The following ARFIP1 variants were observed in gnomAD, a reference collection of about 807,000 sequenced individuals.
ARFIP1 encodes ARF interacting protein 1, also known as arfaptin-1.
In ARFIP1, 24 loss-of-function variants were observed where a neutral mutation model predicts 42.5. The observed-to-expected ratio is 0.57, with a 90% CI of 0.41 to 0.80. The LOEUF (loss-of-function observed/expected upper bound fraction) is 0.80. Ranked by LOEUF, ARFIP1 falls within the 30% of genes least tolerant of loss-of-function variation. ARFIP1 has a pLI of 0.00. For missense variants in ARFIP1, 354 were observed against 434.0 expected, an observed-to-expected ratio of 0.82 and a Z score of 1.64; for synonymous variants, 141 against 153.7, an observed-to-expected ratio of 0.92 and a Z score of 0.61.
chr4:152,811,652 C>A (rs1169126581), intron 1 of ARFIP1, among the ~76,000 whole-genome samples: 1 of 152,138 alleles, frequency 6.6e-6, no homozygotes, highest in African/African-American at 2.4e-5. Flanking sequence ...TGTGAAGGAC[C>A]TTAAATAGCC....
In ARFIP1 at chr4:152,779,978, C is replaced by T. The variant is rs4619875; in HGVS notation, c.-258C>T. On this transcript the variant is annotated 5_prime_UTR_variant, in exon 1 of 9. Coordinates refer to ENST00000353617, the MANE Select transcript of ARFIP1 (RefSeq NM_001025595.3). ...TCTCCTCACTTCCGGCTTCGCTGCTCTTGGTTCTGGTTCTGGAGGCTGGGT... is the reference window on the plus strand; with the variant it reads ...TCTCCTCACTTCCGGCTTCGCTGCTTTTGGTTCTGGTTCTGGAGGCTGGGT... 55,605 of 152,430 alleles carry T rather than the reference C, an allele frequency of 0.36. 11,037 individuals carry two copies. Among genetic ancestry groups the T allele is most frequent in the Admixed American group, 0.48 (7,287 of 15,278 alleles). 9.4% of individuals were successfully genotyped at this position (152,430 alleles called of 1,614,324 possible). A position where few individuals can be genotyped will look rare whatever the true frequency, so the allele number is the denominator to read the frequency against.
chr4:152,855,052 C>G (rs548758945), intron 2 of ARFIP1, among the ~76,000 whole-genome samples: 7 of 152,284 alleles, frequency 4.6e-5, no homozygotes, highest in African/African-American at 1.4e-4. Context: ...AGCAGACGAC[C>G]CTTTGGGTCC....
chr4:152,875,378 T>TAAAAAAAAAAAAAAAAAAAA (rs11302481), intron 5 of ARFIP1, among the ~76,000 whole-genome samples: 1 of 100,162 alleles, frequency 1.0e-5, no homozygotes, highest in Non-Finnish European at 2.2e-5. Flanking sequence ...TCTTTTTTTA[T>TAAAAAAAAAAAAAAAAAAAA]AAAAAAAAAA....
chr4:152,822,963 A>G (rs1475724529), intron 1 of ARFIP1, among the ~76,000 whole-genome samples: 6 of 152,242 alleles, frequency 3.9e-5, no homozygotes, highest in African/African-American at 1.4e-4. Context: ...AATATTATAA[A>G]TTGGCAACCT....
At chr4:152,824,559 G>T (rs1280995870) in intron 1 of ARFIP1, among the ~76,000 whole-genome samples, 2 of 152,142 alleles carry the variant, frequency 1.3e-5, no homozygotes, top group Non-Finnish European at 2.9e-5. Context: ...AAAGCCATAT[G>T]TGACACACTC....
In ARFIP1 at chr4:152,910,469, G is replaced by T. The variant is rs1025226336; in HGVS notation, c.*250G>T. ...TGAGAAATCCTTTTGTATTGTGAGG[G>T]TTGATGGCTATTTCTGTAGTTTGAA... On this transcript the variant is annotated 3_prime_UTR_variant, in exon 9 of 9. Coordinates refer to ENST00000353617, the MANE Select transcript of ARFIP1 (RefSeq NM_001025595.3). 2 of 315,378 alleles carry T rather than the reference G, an allele frequency of 6.3e-6. No individual in the cohort carries two copies. Among genetic ancestry groups the T allele is most frequent in the African/African-American group, 4.3e-5 (2 of 46,378 alleles). The allele number at this position is 315,378 out of a possible 1,614,324, so 19.5% of individuals were successfully genotyped here.
At chr4:152,843,954 T>C (rs1002301278) in intron 2 of ARFIP1, among the ~76,000 whole-genome samples, 2 of 152,154 alleles carry the variant, frequency 1.3e-5, no homozygotes, top group African/African-American at 4.8e-5. Flanking sequence ...ACCGTTCAAA[T>C]TGTTACAAAG....
intron 1 of ARFIP1, among the ~76,000 whole-genome samples, chr4:152,784,470 C>T (rs1300940737): frequency 6.6e-6 from 1 of 152,184 alleles, no homozygotes; most frequent in African/African-American, 2.4e-5. Flanking sequence ...AGGTGTTGCT[C>T]AAACCTTTAG....
At chr4:152,851,537 A>AC (rs1732981233) in intron 2 of ARFIP1, among the ~76,000 whole-genome samples, 1 of 152,162 alleles carries the variant, frequency 6.6e-6, no homozygotes, top group African/African-American at 2.4e-5. Context: ...AACCTTGAAA[A>AC]CCATATTGAA....
At chr4:152,790,943 G>T (rs1048376165) in intron 1 of ARFIP1, among the ~76,000 whole-genome samples, 1 of 151,066 alleles carries the variant, frequency 6.6e-6, no homozygotes, top group Non-Finnish European at 1.5e-5. Context: ...TTGCCAGGTT[G>T]CCCAGGCTGA....
intron 8 of ARFIP1, among the ~76,000 whole-genome samples, chr4:152,893,766 G>A (rs1056463312): frequency 6.6e-6 from 1 of 151,792 alleles, no homozygotes; most frequent in Non-Finnish European, 1.5e-5. Context: ...ACCAGACTTG[G>A]GATCTATCCT....
At chr4:152,891,148 A>T (rs75373473) in intron 8 of ARFIP1, among the ~76,000 whole-genome samples, 2,486 of 152,314 alleles carry the variant, frequency 0.016, 66 homozygotes, top group African/African-American at 0.056. Flanking sequence ...TACCTCCCAA[A>T]GGTGATTAGT....
Position 152,910,479 on chromosome 4 carries a change from A to G in ARFIP1, c.*260A>G, listed in dbSNP as rs966916957. The G allele has an allele frequency of 1.0e-5, 3 of 291,096 alleles. No individual in the cohort carries two copies. The highest frequency in any genetic ancestry group is 2.2e-5 in the African/African-American group (1 of 45,880). 18.0% of individuals were successfully genotyped at this position (291,096 alleles called of 1,614,324 possible). A position where few individuals can be genotyped will look rare whatever the true frequency, so the allele number is the denominator to read the frequency against. ...TTTTGTATTGTGAGGGTTGATGGCTATTTCTGTAGTTTGAAAACATCTAAT... is the reference window on the plus strand; with the variant it reads ...TTTTGTATTGTGAGGGTTGATGGCTGTTTCTGTAGTTTGAAAACATCTAAT... On this transcript the variant is annotated 3_prime_UTR_variant, in exon 9 of 9. Transcript: ENST00000353617.
At chr4:152,862,928 G>GA (rs1176828596) in intron 2 of ARFIP1, among the ~76,000 whole-genome samples, 5 of 151,814 alleles carry the variant, frequency 3.3e-5, no homozygotes, top group African/African-American at 9.7e-5. Context: ...AAAGTTCTGG[G>GA]AAAAAAAACT....
chr4:152,810,957 A>G (rs1729404518), intron 1 of ARFIP1, among the ~76,000 whole-genome samples: 1 of 152,164 alleles, frequency 6.6e-6, no homozygotes, highest in African/African-American at 2.4e-5. Context: ...TTTCTACTGT[A>G]TGATGGTGTG....
At chr4:152,905,542 A>ATTGTTTTTTTT (rs1738249978) in intron 8 of ARFIP1, among the ~76,000 whole-genome samples, 3 of 45,958 alleles carry the variant, frequency 6.5e-5, no homozygotes, top group East Asian at 7.1e-4. Context: ...AATTGTAAGA[A>ATTGTTTTTTTT]TTGTTTTTTT....
At chr4:152,787,012 G>A (rs1396019245) in intron 1 of ARFIP1, among the ~76,000 whole-genome samples, 1 of 152,128 alleles carries the variant, frequency 6.6e-6, no homozygotes, top group African/African-American at 2.4e-5. Context: ...CCCGCAGTTT[G>A]CAATTTACAT....
intron 2 of ARFIP1, among the ~76,000 whole-genome samples, chr4:152,854,648 GGGTGAGTA>G (rs1733276970): frequency 6.6e-6 from 1 of 152,152 alleles, no homozygotes; most frequent in African/African-American, 2.4e-5. Flanking sequence ...CTATGCTATT[GGGTGAGTA>G]GGCTACTTTG....
chr4:152,825,208 A>G (rs1173043102), intron 1 of ARFIP1, among the ~76,000 whole-genome samples: 1 of 152,208 alleles, frequency 6.6e-6, no homozygotes, highest in Non-Finnish European at 1.5e-5. Flanking sequence ...AAAAAATCCT[A>G]AAATTCATAT....
Sources: gnomAD v4.1 joint callset for allele counts (sites outside exome capture counted in the v4.1 genomes callset) on GRCh38, gnomAD v4.1.1 for gene constraint, MANE v1.5 for transcripts, NCBI Gene and HGNC (gene_info 2026-07-23, HGNC 2026-07-21) for gene names.